ABI3BP: variants seen among roughly 807,000 people sequenced by gnomAD.
ABI3BP encodes the protein target of Nesh-SH3.
A neutral mutation model predicts 268.6 loss-of-function variants in ABI3BP; 216 were observed. The ratio of observed to expected loss-of-function variants is 0.80; its 90% CI spans 0.72 to 0.90. The LOEUF is 0.90. Ranked by LOEUF, ABI3BP falls within the 40% of genes least tolerant of loss-of-function variation. The probability of loss-of-function intolerance (pLI) is 0.00; values close to 1 mark genes in which losing one functional copy is unlikely to be tolerated. For missense variants in ABI3BP, 2,090 were observed against 2,182.4 expected, an observed-to-expected ratio of 0.96 and a Z score of 0.84; for synonymous variants, 730 against 730.0, an observed-to-expected ratio of 1.00 and a Z score of 0.00.
At chr3:100,935,158 G>A (rs1372784926) in intron 1 of ABI3BP, among the ~76,000 whole-genome samples, 2 of 152,156 alleles carry the variant, frequency 1.3e-5, no homozygotes, top group East Asian at 3.8e-4. Flanking sequence ...TTTTGTATAA[G>A]GTGTAAGGAA....
chr3:100,933,086 A>G (rs889779027), intron 1 of ABI3BP, among the ~76,000 whole-genome samples: 3 of 152,032 alleles, frequency 2.0e-5, no homozygotes, highest in African/African-American at 7.2e-5. Context: ...AAGTTGGTCA[A>G]CATAATAAAA....
chr3:100,849,425 T>G (rs1183597639), intron 17 of ABI3BP, among the ~76,000 whole-genome samples: 1 of 152,008 alleles, frequency 6.6e-6, no homozygotes, highest in Non-Finnish European at 1.5e-5. Context: ...GATTTCACCA[T>G]TTTGGCCATG....
intron 9 of ABI3BP, among the ~76,000 whole-genome samples, chr3:100,871,071 G>A (rs1362236128): frequency 6.6e-6 from 1 of 152,042 alleles, no homozygotes; most frequent in African/African-American, 2.4e-5. Flanking sequence ...GTAAAAAGTT[G>A]CAGATGCATA....
chr3:100,912,276 TAAAAAAAAAAAAAAAAAAA>T (rs71132535), intron 2 of ABI3BP: 1 of 24,676 alleles, frequency 4.1e-5, no homozygotes, highest in Non-Finnish European at 6.9e-5. Context: ...CTCTCTTTTG[TAAAAAAAAAAAAAAAAAAA>T]AAAAAAAAAC....
chr3:100,982,788 G>A (rs1049803025), intron 1 of ABI3BP, among the ~76,000 whole-genome samples: 2 of 152,038 alleles, frequency 1.3e-5, no homozygotes, highest in Non-Finnish European at 2.9e-5. Context: ...AGGAATGGAG[G>A]GACTGTCTTC....
intron 1 of ABI3BP, among the ~76,000 whole-genome samples, chr3:100,929,520 TA>T (rs1420744635): frequency 6.6e-6 from 1 of 152,070 alleles, no homozygotes; most frequent in Admixed American, 6.6e-5. Context: ...GAGCTAAATT[TA>T]AAATGTTCTG....
chr3:100,981,628 C>G (rs1418875361), intron 1 of ABI3BP, among the ~76,000 whole-genome samples: 1 of 152,212 alleles, frequency 6.6e-6, no homozygotes, highest in Admixed American at 6.5e-5. Flanking sequence ...AAGACCACAA[C>G]TTGTACTTTC....
At chr3:100,801,072 G>A (rs1345223635) in intron 51 of ABI3BP, among the ~76,000 whole-genome samples, 1 of 151,882 alleles carries the variant, frequency 6.6e-6, no homozygotes, top group Non-Finnish European at 1.5e-5. Context: ...CCCTAAGCAT[G>A]GAACCAGGCA....
chr3:100,758,433 A>C (rs1350094339), intron 63 of ABI3BP, among the ~76,000 whole-genome samples: 1 of 152,084 alleles, frequency 6.6e-6, no homozygotes, highest in African/African-American at 2.4e-5. Context: ...TCTCTAGATA[A>C]TTTTTTTTAA....
At chr3:100,835,097 C>T (rs971299972) in intron 28 of ABI3BP, among the ~76,000 whole-genome samples, 2 of 152,168 alleles carry the variant, frequency 1.3e-5, no homozygotes, top group African/African-American at 4.8e-5. Context: ...GGGACCCAGG[C>T]CTGCCTGCTT....
intron 2 of ABI3BP, chr3:100,914,334 C>T (rs1172205390): frequency 2.5e-6 from 1 of 395,674 alleles, no homozygotes; most frequent in Non-Finnish European, 5.1e-6. Flanking sequence ...TGCCCCATGG[C>T]TTGGAGAATT....
intron 15 of ABI3BP, among the ~76,000 whole-genome samples, chr3:100,851,539 C>T (rs909883735): frequency 5.9e-5 from 9 of 152,178 alleles, no homozygotes; most frequent in African/African-American, 2.2e-4. Context: ...AATTACCCCC[C>T]ATTTGAGAAC....
Position 100,851,957 on chromosome 3 carries a change from A to AAAG in ABI3BP, c.1286-18_1286-17insCTT, listed in dbSNP as rs2098845538. ...CATAAGTTGCTTAAAAAAAAAAAAAAGGCAAAACAAGAGAGATGTTAATTT... is the reference window on the plus strand; with the variant it reads ...CATAAGTTGCTTAAAAAAAAAAAAAAAAGGGCAAAACAAGAGAGATGTTAATTT... On this transcript the variant is annotated splice_polypyrimidine_tract_variant and intron_variant, in intron 14 of 67. Coordinates refer to ENST00000471714, the MANE Select transcript of ABI3BP (RefSeq NM_001375547.2). 2 of 1,502,232 alleles carry AAAG rather than the reference A, an allele frequency of 1.3e-6. No homozygotes were observed. Among genetic ancestry groups the AAAG allele is most frequent in the Non-Finnish European group, 1.8e-6 (2 of 1,113,740 alleles). The allele number at this position is 1,502,232 out of a possible 1,614,324, so 93.1% of individuals were successfully genotyped here.
intron 4 of ABI3BP, among the ~76,000 whole-genome samples, chr3:100,890,542 A>T (rs189731179): frequency 1.3e-5 from 2 of 152,070 alleles, no homozygotes; most frequent in Non-Finnish European, 2.9e-5. Flanking sequence ...AGTTGTTTAG[A>T]TATCTTTCAT....
chr3:100,903,262 C>A (rs530263750), intron 2 of ABI3BP, among the ~76,000 whole-genome samples: 8 of 152,190 alleles, frequency 5.3e-5, no homozygotes, highest in Admixed American at 3.3e-4. Flanking sequence ...GTATAATTTT[C>A]ATTTTAAATA....
At chr3:100,855,065 TACAG>T (rs1408550815) in intron 14 of ABI3BP, among the ~76,000 whole-genome samples, 5 of 152,230 alleles carry the variant, frequency 3.3e-5, no homozygotes, top group African/African-American at 1.2e-4. Context: ...TAGCTGGGAT[TACAG>T]ACATGTGCCA....
In ABI3BP at chr3:100,857,937, A is replaced by T. The variant is rs574181046; in HGVS notation, c.1285+4374T>A. 1.8e-4 allele frequency among the ~76,000 whole-genome samples: 27 copies of T among 152,388 alleles called. No homozygotes were observed. In the South Asian group the frequency reaches 5.6e-3, roughly 32 times the overall value. ...GAAATGATCCAACAAGCAGGTGCACATACGTGCACATGCACAATTCATCTG... is the reference window on the plus strand; with the variant it reads ...GAAATGATCCAACAAGCAGGTGCACTTACGTGCACATGCACAATTCATCTG... On this transcript the variant is annotated intron_variant, in intron 14 of 67. Coordinates refer to ENST00000471714, the MANE Select transcript of ABI3BP (RefSeq NM_001375547.2).
rs1433656772 is a variant in ABI3BP, at chr3:100,770,742, C to G, written c.4741+1G>C. 5 of 1,489,588 alleles carry G rather than the reference C, an allele frequency of 3.4e-6. No homozygotes were observed. The highest frequency in any genetic ancestry group is 4.5e-6 in the Non-Finnish European group (5 of 1,116,440). The allele number at this position is 1,489,588 out of a possible 1,614,324, so 92.3% of individuals were successfully genotyped here. On this transcript the variant is annotated splice_donor_variant, in intron 62 of 67. Transcript: ENST00000471714. LOFTEE classifies it high-confidence loss of function. Reference sequence around the variant, plus strand: ...TAACAGTCCTCATGCCATGATCTTACCAGTGACAGTGTCATTTAGTGGCTT... The same window carrying G: ...TAACAGTCCTCATGCCATGATCTTAGCAGTGACAGTGTCATTTAGTGGCTT...
chr3:100,754,522 T>C lies in ABI3BP; in HGVS notation c.4930+90A>G, dbSNP rs1023404093. 26 of 1,249,028 alleles carry C rather than the reference T, an allele frequency of 2.1e-5. No individual in the cohort carries two copies. The Admixed American group carries it at 3.8e-4, about 18-fold the overall frequency. 77.4% of individuals were successfully genotyped at this position (1,249,028 alleles called of 1,614,324 possible). A position where few individuals can be genotyped will look rare whatever the true frequency, so the allele number is the denominator to read the frequency against. The stretch of plus-strand genomic sequence containing the variant: ...TTAGAAATTCAAGAAACAGTACATG[T>C]AGTGGGTTTCAAACAAACTTCCTAC... On this transcript the variant is annotated intron_variant, in intron 64 of 67. Transcript: ENST00000471714.
Sources: allele counts gnomAD v4.1 joint callset (sites outside exome capture counted in the v4.1 genomes callset), GRCh38; gene constraint gnomAD v4.1.1; transcripts MANE v1.5; gene names NCBI Gene and HGNC (gene_info 2026-07-23, HGNC 2026-07-21).